ZNF609: variants seen among roughly 807,000 people sequenced by gnomAD.
ZNF609 encodes the protein zinc finger protein 609.
ZNF609 carries 11 observed loss-of-function variants against 109.5 expected under a neutral mutation model. That is an observed-to-expected ratio of 0.10 (90% CI 0.06 to 0.17). The LOEUF is 0.17. ZNF609 is among the 10% of genes least tolerant of loss of function. ZNF609 has a pLI of 1.00. For missense variants in ZNF609, 1,559 were observed against 1,772.4 expected (o/e 0.88, Z 2.16); for synonymous variants, 646 against 662.0 (o/e 0.98, Z 0.37).
At chr15:64,498,808 A>G (rs565559950) in intron 1 of ZNF609, among the ~76,000 whole-genome samples, 3 of 152,282 alleles carry the variant, frequency 2.0e-5, no homozygotes, top group South Asian at 4.1e-4. Context: ...AGGAATCTAT[A>G]CTATTTGTAC....
At chr15:64,519,261 T>C (rs1222116912) in intron 2 of ZNF609, among the ~76,000 whole-genome samples, 2 of 152,036 alleles carry the variant, frequency 1.3e-5, no homozygotes, top group African/African-American at 4.8e-5. Flanking sequence ...GAGGACTGGA[T>C]GTGTGAGAGA....
chr15:64,525,758 G>C (rs1397078057), intron 2 of ZNF609, among the ~76,000 whole-genome samples: 1 of 151,262 alleles, frequency 6.6e-6, no homozygotes, highest in Non-Finnish European at 1.5e-5. Context: ...ATGATGTTTT[G>C]TGGTTTTAGT....
chr15:64,502,200 C>T (rs946689787), intron 2 of ZNF609: 3 of 152,222 alleles, frequency 2.0e-5, no homozygotes, highest in Admixed American at 2.0e-4. Context: ...TAACCATAAG[C>T]AAGAACCTGC....
chr15:64,599,175 T>G (rs1051854142), intron 2 of ZNF609, among the ~76,000 whole-genome samples: 36 of 145,868 alleles, frequency 2.5e-4, no homozygotes, highest in African/African-American at 8.7e-4. Context: ...GTGGTTTTTT[T>G]TTTTTTTTTT....
At chr15:64,638,958 A>G (rs1033882597) in intron 3 of ZNF609, among the ~76,000 whole-genome samples, 16 of 151,826 alleles carry the variant, frequency 1.1e-4, no homozygotes, top group African/African-American at 3.6e-4. Flanking sequence ...CTCAATCAGC[A>G]TGTTCAAGAT....
Position 64,522,477 on chromosome 15 carries a change from A to G in ZNF609, c.747+22311A>G, listed in dbSNP as rs376076021. Among the ~76,000 whole-genome samples the G allele has an allele frequency of 4.6e-5, 7 of 152,274 alleles. No homozygotes were observed. The South Asian group carries it at 6.2e-4, about 14-fold the overall frequency. On this transcript the variant is annotated intron_variant, in intron 2 of 9. Coordinates refer to ENST00000326648, the MANE Select transcript of ZNF609 (RefSeq NM_015042.2). ...TGGCCCTGCTTGGCTAGATTTTATT[A>G]CAATTGATGTGATCTCACCCTGGAG...
At chr15:64,678,946 G>T (rs1247374483) in intron 6 of ZNF609, among the ~76,000 whole-genome samples, 1 of 152,202 alleles carries the variant, frequency 6.6e-6, no homozygotes, top group African/African-American at 2.4e-5. Flanking sequence ...CCATAACAAT[G>T]CATGGATTCA....
In ZNF609 at chr15:64,675,550, A is replaced by C. The variant is rs371258249; in HGVS notation, c.2696A>C (p.Tyr899Ser). The C allele has an allele frequency of 5.0e-6, 8 of 1,614,050 alleles. No homozygotes were observed. Among genetic ancestry groups the C allele is most frequent in the Non-Finnish European group, 6.8e-6 (8 of 1,180,044 alleles). ...TATTACCAAGGCTTTGAGAGTTACT[A>C]TTCTCCAAGTTATGCACAGTCCAGC... is the stretch of plus-strand genomic sequence containing the variant. ...SPYYQGFESY[Y>S]SPSYAQSSPG... is the part of the protein sequence containing the mutation. The change falls in exon 5 of 10, where the codon TAT becomes TCT. Residue 899 changes from tyrosine (Y) to serine (S), a missense_variant. By Grantham distance (144) the Tyr-to-Ser change is moderately radical. This residue lies in a region of ZNF609 where 1,204 missense variants were observed against 1,314.1 expected (regional missense o/e 0.92). Coordinates refer to ENST00000326648, the MANE Select transcript of ZNF609 (RefSeq NM_015042.2).
intron 2 of ZNF609, among the ~76,000 whole-genome samples, chr15:64,524,760 A>G (rs1893946688): frequency 6.6e-6 from 1 of 152,284 alleles, no homozygotes; most frequent in Non-Finnish European, 1.5e-5. Context: ...TTAATGGATA[A>G]TGCTGCTATG....
intron 2 of ZNF609, among the ~76,000 whole-genome samples, chr15:64,582,749 C>CTTTTTTTT (rs34273764): frequency 1.8e-5 from 1 of 55,868 alleles, no homozygotes; most frequent in Non-Finnish European, 2.8e-5. Flanking sequence ...GAGACAGAGT[C>CTTTTTTTT]TTTTTTTTTT....
intron 4 of ZNF609, 75 bp downstream of exon 4, chr15:64,670,508 C>G: frequency 7.9e-7 from 1 of 1,260,272 alleles, no homozygotes; most frequent in Non-Finnish European, 1.2e-6. Context: ...TTTTATCCTG[C>G]TAGAGTTGTA....
At position 64,499,616 on chromosome 15, in the gene ZNF609, C is replaced by T; in HGVS notation, c.197C>T (p.Ala66Val). ...GGGATACCGGCTCCCAATGCTGTGG[C>T]CACACTACCAGACAACATCAAGTTT... ...EVGIPAPNAV[A>V]TLPDNIKFVT... Residue 66 changes from alanine (A) to valine (V), a missense_variant, in exon 2 of 10, where the codon GCC becomes GTC. Physicochemically the swap from Ala to Val is moderately conservative, Grantham distance 64 (BLOSUM62 0). This residue lies in a region of ZNF609 where 291 missense variants were observed against 317.8 expected (regional missense o/e 0.92). Transcript: ENST00000326648. 6.2e-7 allele frequency: 1 copy of T among 1,614,130 alleles called. No individual in the cohort carries two copies. Among genetic ancestry groups the T allele is most frequent in the South Asian group, 1.1e-5 (1 of 91,082 alleles).
intron 1 of ZNF609, among the ~76,000 whole-genome samples, chr15:64,468,341 G>T (rs181041217): frequency 6.6e-6 from 1 of 150,840 alleles, no homozygotes; most frequent in Non-Finnish European, 1.5e-5. Context: ...CCTTAAGACA[G>T]GGTCTCACTC....
In ZNF609 at chr15:64,549,906, C is replaced by T. The variant is rs143757278; in HGVS notation, c.747+49740C>T. ...ACCCAAGTGATCCTCCTACATTAGT[C>T]GCCCAAGTAGTTGAAACTACAGGTA... On this transcript the variant is annotated intron_variant, in intron 2 of 9. Coordinates refer to ENST00000326648, the MANE Select transcript of ZNF609 (RefSeq NM_015042.2). Among the ~76,000 whole-genome samples, 192 of 152,242 alleles carry T rather than the reference C, an allele frequency of 1.3e-3. 7 individuals are homozygous for T. The highest frequency in any genetic ancestry group is 4.5e-3 in the African/African-American group (185 of 41,538).
intron 2 of ZNF609, among the ~76,000 whole-genome samples, chr15:64,537,356 C>G (rs2140377029): frequency 6.6e-6 from 1 of 151,802 alleles, no homozygotes; most frequent in Non-Finnish European, 1.5e-5. Flanking sequence ...ACAAAATTAG[C>G]CGGGTGTGGT....
At chr15:64,497,088 T>TA (rs1893492383) in intron 1 of ZNF609, among the ~76,000 whole-genome samples, 3 of 152,168 alleles carry the variant, frequency 2.0e-5, no homozygotes, top group African/African-American at 7.2e-5. Context: ...GTGGTGGGAT[T>TA]ACAGGCATGA....
chr15:64,505,915 T>C (rs911679593), intron 2 of ZNF609, among the ~76,000 whole-genome samples: 1 of 151,990 alleles, frequency 6.6e-6, no homozygotes, highest in African/African-American at 2.4e-5. Context: ...GAGGCTGCAG[T>C]AGTGAGCTGT....
chr15:64,609,104 CTTTCTTTCTTTCTTTCTTTCTTTCTT>C (rs1474173210), intron 2 of ZNF609, among the ~76,000 whole-genome samples: 27 of 33,000 alleles, frequency 8.2e-4, no homozygotes, highest in Middle Eastern at 0.014. Flanking sequence ...TTCTTTCTTT[CTTTCTTTCTTTCTTTCTTTCTTTCTT>C]TTTTTCTTTC....
chr15:64,486,798 G>A (rs1474729015), intron 1 of ZNF609, among the ~76,000 whole-genome samples: 2 of 152,122 alleles, frequency 1.3e-5, no homozygotes, highest in Admixed American at 6.6e-5. Flanking sequence ...TGTATTTTTA[G>A]TAGAGGCAGG....
Sources: allele counts gnomAD v4.1 joint callset (sites outside exome capture counted in the v4.1 genomes callset), GRCh38; gene constraint gnomAD v4.1.1; regional missense constraint gnomAD v4.1.1; transcripts MANE v1.5; gene names NCBI Gene and HGNC (gene_info 2026-07-23, HGNC 2026-07-21).